Variants in PLPPR3 observed in about 807,000 individuals in gnomAD.
The protein encoded by PLPPR3 is phospholipid phosphatase related 3, also known as phospholipid phosphatase-related protein type 3.
In PLPPR3, 14 loss-of-function variants were observed where a neutral mutation model predicts 27.3. That is an observed-to-expected ratio of 0.51 (90% CI 0.34 to 0.80). PLPPR3 has a LOEUF of 0.80. Ranked by LOEUF, PLPPR3 falls within the 30% of genes least tolerant of loss-of-function variation. The pLI, the probability that PLPPR3 is intolerant of heterozygous loss-of-function variation, is 0.01. For missense variants in PLPPR3, 1,287 were observed against 1,056.9 expected (o/e 1.22, Z -3.02); for synonymous variants, 671 against 508.0 (o/e 1.32, Z -4.32).
Position 814,916 on chromosome 19 carries a change from C to T in PLPPR3, c.569G>A (p.Gly190Asp). 2 of 1,611,624 alleles carry T rather than the reference C, an allele frequency of 1.2e-6. No individual in the cohort carries two copies. The highest frequency in any genetic ancestry group is 2.2e-5 in the East Asian group (1 of 44,864). Residue 190 changes from glycine to aspartate, a missense_variant, in exon 5 of 8, where the codon GGC (glycine) becomes GAC (aspartate). Gly to Asp is a moderately conservative substitution (Grantham distance 94). Transcript: ENST00000520876. ...NPYITQDICS[G>D]HDIHAILSAR... ...AGACAGGATGGCGTGGATGTCGTGG[C>T]CGGAGCAGATGTCCTGCGTGATGTA...
intron 2 of PLPPR3, among the ~76,000 whole-genome samples, chr19:818,868 A>G (rs911947026): frequency 1.3e-5 from 2 of 151,644 alleles, no homozygotes; most frequent in African/African-American, 2.4e-5. Context: ...GCTGGGGCTC[A>G]GGCTAGCCTT....
chr19:819,296 T>TTTTTTTTC (rs928213781), intron 2 of PLPPR3, among the ~76,000 whole-genome samples: 56 of 136,040 alleles, frequency 4.1e-4, no homozygotes, highest in South Asian at 4.9e-4. Context: ...TTTTTTTTTT[T>TTTTTTTTC]CCGAGATGGA....
upstream of PLPPR3, among the ~76,000 whole-genome samples, chr19:822,453 C>T (rs1305926174): frequency 6.6e-5 from 10 of 152,102 alleles, no homozygotes; most frequent in Non-Finnish European, 1.3e-4. Flanking sequence ...CCCAGGGCGC[C>T]CGGAGCATCG....
Position 812,541 on chromosome 19 carries a change from G to GCCC in PLPPR3, c.*26_*28dup. On this transcript the variant is annotated 3_prime_UTR_variant, in exon 8 of 8. Transcript: ENST00000520876. ...GCGCGGCCGCCCGCGCCCTCGGCCC[G>GCCC]CCCCCCGCCCGCCCCCGGCCCCGCC... The GCCC allele has an allele frequency of 1.6e-6, 1 of 617,396 alleles. No homozygotes were observed. Among genetic ancestry groups the GCCC allele is most frequent in the Non-Finnish European group, 2.0e-6 (1 of 496,530 alleles). 38.2% of individuals were successfully genotyped at this position (617,396 alleles called of 1,614,324 possible).
At chr19:822,738 AC>A (rs1376018698), upstream of PLPPR3, among the ~76,000 whole-genome samples, 1 of 151,426 alleles carries the variant, frequency 6.6e-6, no homozygotes, top group Non-Finnish European at 1.5e-5. Context: ...GGGCTGGTTG[AC>A]CCCCGTTGTA....
At chr19:817,522 C>G (rs7259955) in intron 2 of PLPPR3, among the ~76,000 whole-genome samples, 74 of 151,998 alleles carry the variant, frequency 4.9e-4, no homozygotes, top group Admixed American at 4.9e-3. Context: ...AATCCACCTG[C>G]CTCGGCCTCC....
At position 813,216 on chromosome 19, in the gene PLPPR3, C is replaced by A; in HGVS notation, c.1511G>T (p.Gly504Val). The change falls in exon 8 of 8, where the codon GGG becomes GTG. Residue 504 changes from glycine to valine, a missense_variant. Coordinates refer to ENST00000520876, the MANE Select transcript of PLPPR3 (RefSeq NM_001270366.2). The surrounding 1 kb of genome is among the most constrained non-coding windows in gnomAD (Gnocchi z 4.1). Reference protein sequence around the residue: ...VHIPEEGAQTGAGLSPKSGAG... With the variant: ...VHIPEEGAQTVAGLSPKSGAG... ...GCCGCTTTTGGGGGACAGGCCGGCCCCCGTCTGCGCGCCCTCCTCCGGGAT... is the reference window on the plus strand; with the variant it reads ...GCCGCTTTTGGGGGACAGGCCGGCCACCGTCTGCGCGCCCTCCTCCGGGAT... 1 of 1,490,500 alleles carries A rather than the reference C, an allele frequency of 6.7e-7. No individual in the cohort carries two copies. Among genetic ancestry groups the A allele is most frequent in the Non-Finnish European group, 8.8e-7 (1 of 1,132,142 alleles). 92.3% of individuals were successfully genotyped at this position (1,490,500 alleles called of 1,614,324 possible). A position where few individuals can be genotyped will look rare whatever the true frequency, so the allele number is the denominator to read the frequency against.
rs1025676699 is a variant in PLPPR3, at chr19:813,833, G to T, written c.894C>A (p.Pro298=). 29 of 1,485,720 alleles carry T rather than the reference G, an allele frequency of 2.0e-5. No homozygotes were observed. The highest frequency in any genetic ancestry group is 2.6e-5 in the Non-Finnish European group (29 of 1,126,384). 92.0% of individuals were successfully genotyped at this position (1,485,720 alleles called of 1,614,324 possible). The change falls in exon 8 of 8, where the codon CCC becomes CCA. Residue 298 remains proline (P), a synonymous_variant. Coordinates refer to ENST00000520876, the MANE Select transcript of PLPPR3 (RefSeq NM_001270366.2). This position sits in a 1 kb window ranked among gnomAD's most constrained non-coding sequence, Gnocchi z 4.1. ...TCAGGGCCCGCAGCGCGTCCTTGGCGGGGGCCGGGGCCGCGGGCTTCTCTG... is the reference window on the plus strand; with the variant it reads ...TCAGGGCCCGCAGCGCGTCCTTGGCTGGGGCCGGGGCCGCGGGCTTCTCTG... The part of the protein sequence containing the change: ...PPAEKPAAPA[P]AKDALRALTQ...
Position 815,336 on chromosome 19 carries a change from AGGGAGGG to A in PLPPR3, c.262-16_262-10del. 6.5e-7 allele frequency: 1 copy of A among 1,535,014 alleles called. No homozygotes were observed. The highest frequency in any genetic ancestry group is 8.8e-7 in the Non-Finnish European group (1 of 1,140,926). ...CCCTCGGCCACCATGATCTGCCAAC[AGGGAGGG>A]GGCGCTCAGGCCTCGGTGCCCACAG... On this transcript the variant is annotated splice_polypyrimidine_tract_variant and intron_variant, in intron 3 of 7. Transcript: ENST00000520876.
intron 2 of PLPPR3, among the ~76,000 whole-genome samples, chr19:816,929 C>T (rs113427248): frequency 0.021 from 3,199 of 151,404 alleles, 118 homozygotes; most frequent in African/African-American, 0.072. Flanking sequence ...CCCATCCACC[C>T]ACCCACCCAT....
chr19:812,980 T>C lies in PLPPR3; in HGVS notation c.1747A>G (p.Ile583Val), dbSNP rs1258855240. ...GGGTGGTGCGGCGCGTGCGCGTCGATGGTCACGATGCTGGCGGAGTCGCGG... is the reference window on the plus strand; with the variant it reads ...GGGTGGTGCGGCGCGTGCGCGTCGACGGTCACGATGCTGGCGGAGTCGCGG... Reference protein sequence around the residue: ...SDRDSASIVTIDAHAPHHPVV... With the variant: ...SDRDSASIVTVDAHAPHHPVV... Residue 583 changes from isoleucine (I) to valine (V), a missense_variant, in exon 8 of 8, where the codon ATC becomes GTC. Ile to Val is a conservative substitution (Grantham distance 29, BLOSUM62 3). Coordinates refer to ENST00000520876, the MANE Select transcript of PLPPR3 (RefSeq NM_001270366.2). 4 of 1,500,744 alleles carry C rather than the reference T, an allele frequency of 2.7e-6. No individual in the cohort carries two copies. Among genetic ancestry groups the C allele is most frequent in the African/African-American group, 1.5e-5 (1 of 68,564 alleles). 93.0% of individuals were successfully genotyped at this position (1,500,744 alleles called of 1,614,324 possible).
At position 814,594 on chromosome 19, in the gene PLPPR3, G is replaced by A. The variant is rs200412799; in HGVS notation, c.671C>T (p.Ser224Leu). 9 of 1,612,110 alleles carry A rather than the reference G, an allele frequency of 5.6e-6. No homozygotes were observed. Among genetic ancestry groups the A allele is most frequent in the East Asian group, 2.2e-5 (1 of 44,882 alleles). The change falls in exon 7 of 8, where the codon TCG (serine) becomes TTG (leucine). Residue 224 changes from serine to leucine, a missense_variant. Coordinates refer to ENST00000520876, the MANE Select transcript of PLPPR3 (RefSeq NM_001270366.2). ...CAGCTTGGTGGTGTCCGAGATGACC[G>A]AGTTGAAGTACATCTGGGGCATGGG... Reference protein sequence around the residue: ...AAVYVSMYFNSVISDTTKLLK... With the variant: ...AAVYVSMYFNLVISDTTKLLK...
Position 813,290 on chromosome 19 carries a change from C to T in PLPPR3, c.1437G>A (p.Gly479=). Residue 479 remains glycine, a synonymous_variant, in exon 8 of 8, where the codon GGG becomes GGA. Coordinates refer to ENST00000520876, the MANE Select transcript of PLPPR3 (RefSeq NM_001270366.2). The surrounding 1 kb of genome is among the most constrained non-coding windows in gnomAD (Gnocchi z 4.1). ...YPTVQARPGL[G]PRVILPPRAG... ...CGCGCGGTGGGAGGATGACCCGAGG[C>T]CCCAGCCCCGGCCGCGCCTGCACGG... 6.8e-7 allele frequency: 1 copy of T among 1,468,646 alleles called. No homozygotes were observed. Among genetic ancestry groups the T allele is most frequent in the Non-Finnish European group, 8.9e-7 (1 of 1,121,716 alleles). The allele number at this position is 1,468,646 out of a possible 1,614,324, so 91.0% of individuals were successfully genotyped here.
rs1351522606 is a variant in PLPPR3, at chr19:815,384, GCGGGCTCC to G, written c.262-65_262-58del. On this transcript the variant is annotated intron_variant, in intron 3 of 7. Coordinates refer to ENST00000520876, the MANE Select transcript of PLPPR3 (RefSeq NM_001270366.2). ...GTGCCCACAGGGAGGGGGCGCTCAG[GCGGGCTCC>G]CATCTGCAGTGCCCACAGGCTGGCA... 2.0e-6 allele frequency: 3 copies of G among 1,488,504 alleles called. No individual in the cohort carries two copies. The Admixed American group carries it at 6.5e-5, about 32-fold the overall frequency. 92.2% of individuals were successfully genotyped at this position (1,488,504 alleles called of 1,614,324 possible).
Position 821,529 on chromosome 19 carries a change from G to C in PLPPR3, c.31C>G (p.Pro11Ala), listed in dbSNP as rs954546750. MISTKEKNKI[P>A]KDSMTLLPCF... The stretch of plus-strand genomic sequence containing the variant: ...GGCAGAAGCGTCATGCTGTCCTTCG[G>C]GATCTTGTTCTTCTCCTTGGTGGAG... Residue 11 changes from proline to alanine, a missense_variant, in exon 2 of 8, where the codon CCG (proline) becomes GCG (alanine). Pro to Ala is a conservative substitution (Grantham distance 27, BLOSUM62 -1). Transcript: ENST00000520876. The C allele has an allele frequency of 2.0e-6, 3 of 1,509,798 alleles. No homozygotes were observed. The highest frequency in any genetic ancestry group is 2.9e-5 in the African/African-American group (2 of 68,794). The allele number at this position is 1,509,798 out of a possible 1,614,324, so 93.5% of individuals were successfully genotyped here.
upstream of PLPPR3, among the ~76,000 whole-genome samples, chr19:822,979 T>C (rs2035170982): frequency 1.3e-5 from 2 of 148,160 alleles, no homozygotes; most frequent in South Asian, 2.1e-4. Flanking sequence ...ATTTTTAGGG[T>C]GTGGTGGCTC....
At chr19:823,167 T>G (rs1427459106), upstream of PLPPR3, among the ~76,000 whole-genome samples, 1 of 146,196 alleles carries the variant, frequency 6.8e-6, no homozygotes, top group Non-Finnish European at 1.5e-5. Flanking sequence ...CCAGGCTGGG[T>G]GCAGTGGCTC....
rs540595250 is a variant in PLPPR3, at chr19:817,574, A to G, written c.76-1723T>C. Among the ~76,000 whole-genome samples the G allele has an allele frequency of 3.3e-5, 5 of 152,336 alleles. No individual in the cohort carries two copies. In the East Asian group the frequency reaches 9.6e-4, roughly 29 times the overall value. ...CAGGCATGAGTGACCTTGCTCAGGC[A>G]TGGCCCCAGTCGTAATTTCTGCCTT... On this transcript the variant is annotated intron_variant, in intron 2 of 7. Coordinates refer to ENST00000520876, the MANE Select transcript of PLPPR3 (RefSeq NM_001270366.2).
chr19:812,530 GCCCTCGGCCCGCCCCCCGCCCGCC>G lies in PLPPR3; in HGVS notation c.*16_*39del, dbSNP rs2034937256. 6 of 986,718 alleles carry G rather than the reference GCCCTCGGCCCGCCCCCCGCCCGCC, an allele frequency of 6.1e-6. No homozygotes were observed. The highest frequency in any genetic ancestry group is 1.8e-5 in the African/African-American group (1 of 56,632). 61.1% of individuals were successfully genotyped at this position (986,718 alleles called of 1,614,324 possible). On this transcript the variant is annotated 3_prime_UTR_variant, in exon 8 of 8. Coordinates refer to ENST00000520876, the MANE Select transcript of PLPPR3 (RefSeq NM_001270366.2). ...ATTGAGCATCCGCGCGGCCGCCCGCGCCCTCGGCCCGCCCCCCGCCCGCCCCCGGCCCCGCCGCGCTAGTCGGGG... is the reference window on the plus strand; with the variant it reads ...ATTGAGCATCCGCGCGGCCGCCCGCGCCCGGCCCCGCCGCGCTAGTCGGGG...
Sources: allele counts gnomAD v4.1 joint callset (sites outside exome capture counted in the v4.1 genomes callset), GRCh38; gene constraint gnomAD v4.1.1; non-coding constraint Gnocchi (gnomAD v3.1); transcripts MANE v1.5; gene names NCBI Gene and HGNC (gene_info 2026-07-23, HGNC 2026-07-21).